The following SYCN variants were observed in gnomAD, a reference collection of about 807,000 sequenced individuals.
The protein encoded by SYCN is syncollin.
Under a neutral mutation model 12.6 loss-of-function variants are expected in SYCN, and 16 were observed. The observed-to-expected ratio is 1.27, with a 90% CI of 0.86 to 1.92. The LOEUF is 1.92. Ranked by LOEUF, SYCN falls within the 30% of genes most tolerant of loss-of-function variation. The pLI, the probability that SYCN is intolerant of heterozygous loss-of-function variation, is 0.00. For missense variants in SYCN, 226 were observed against 181.8 expected (o/e 1.24, Z -1.40); for synonymous variants, 97 against 88.4 (o/e 1.10, Z -0.55).
Position 39,203,088 on chromosome 19 carries a change from G to A in SYCN, c.396-92C>T, listed in dbSNP as rs965470281. 5.0e-6 allele frequency: 7 copies of A among 1,386,418 alleles called. No individual in the cohort carries two copies. In the Admixed American group the frequency reaches 6.0e-5, roughly 12 times the overall value. 85.9% of individuals were successfully genotyped at this position (1,386,418 alleles called of 1,614,324 possible). A position where few individuals can be genotyped will look rare whatever the true frequency, so the allele number is the denominator to read the frequency against. ...CCTGAGACTGGGTGGGGGCTGGGGAGTCTGGGTCTGAGGCTCCAAGTTCAG... is the reference window on the plus strand; with the variant it reads ...CCTGAGACTGGGTGGGGGCTGGGGAATCTGGGTCTGAGGCTCCAAGTTCAG... On this transcript the variant is annotated intron_variant, in intron 1 of 1. Coordinates refer to ENST00000318438, the MANE Select transcript of SYCN (RefSeq NM_001080468.4).
rs61641657 is a variant in SYCN at position 39,203,937 on chromosome 19, G to T, written c.318C>A (p.Gly106=). 13,672 of 1,610,628 alleles carry T rather than the reference G, an allele frequency of 8.5e-3. 982 individuals carry two copies. In the African/African-American group the frequency reaches 0.16, roughly 18 times the overall value. The change falls in exon 1 of 2, where the codon GGC becomes GGA. Residue 106 remains glycine (G), a synonymous_variant. Coordinates refer to ENST00000318438, the MANE Select transcript of SYCN (RefSeq NM_001080468.4). The stretch of plus-strand genomic sequence containing the variant: ...GGTACTCCTCCAGGCGCGGGTAGGT[G>T]CCGGCAGAGAACTTGTGCGTCTTGC... The part of the protein sequence containing the change: ...KAGKTHKFSA[G]TYPRLEEYRR...
chr19:39,203,067 A>T, intron 1 of SYCN, 71 bp from the exon 2 acceptor site: 3 of 1,511,982 alleles, frequency 2.0e-6, no homozygotes, highest in Non-Finnish European at 2.7e-6. Flanking sequence ...TAGAAGCCTG[A>T]GACTGGGTGG....
chr19:39,203,868 G>C lies in SYCN; in HGVS notation c.387C>G (p.Leu129=). 6.3e-7 allele frequency: 1 copy of C among 1,592,466 alleles called. No individual in the cohort carries two copies. Among genetic ancestry groups the C allele is most frequent in the Non-Finnish European group, 8.6e-7 (1 of 1,166,770 alleles). ...TTTGGGCGGCCGGGCACCTGCAGTAGAGCGCGGAGATAGCGTTGGACCAGT... is the reference window on the plus strand; with the variant it reads ...TTTGGGCGGCCGGGCACCTGCAGTACAGCGCGGAGATAGCGTTGGACCAGT... ...LGDWSNAISA[L]YCRCS is the part of the protein sequence containing the mutation. Residue 129 remains leucine (L), a synonymous_variant, in exon 1 of 2, where the codon CTC becomes CTG. Coordinates refer to ENST00000318438, the MANE Select transcript of SYCN (RefSeq NM_001080468.4).
chr19:39,204,243 C>A lies in SYCN; in HGVS notation c.12G>T (p.Leu4=). 1 of 1,569,454 alleles carries A rather than the reference C, an allele frequency of 6.4e-7. No individual in the cohort carries two copies. The highest frequency in any genetic ancestry group is 1.2e-5 in the South Asian group (1 of 85,914). MSP[L]RPLLLALALA... ...GGGCCAGGGCCAGCAGCAGCGGGCGCAGCGGGGACATGGTGGCAGTGCCCT... is the reference window on the plus strand; with the variant it reads ...GGGCCAGGGCCAGCAGCAGCGGGCGAAGCGGGGACATGGTGGCAGTGCCCT... The change falls in exon 1 of 2, where the codon CTG becomes CTT. Residue 4 remains leucine (L), a synonymous_variant. Coordinates refer to ENST00000318438, the MANE Select transcript of SYCN (RefSeq NM_001080468.4).
Position 39,202,968 on chromosome 19 carries a change from A to G in SYCN, c.*19T>C, listed in dbSNP as rs2074794747. 3 of 1,580,908 alleles carry G rather than the reference A, an allele frequency of 1.9e-6. No homozygotes were observed. Among genetic ancestry groups the G allele is most frequent in the African/African-American group, 1.3e-5 (1 of 74,238 alleles). ...GCTTGGCACTCTGTGGAAGCTGCAG[A>G]TGAGAGACCAGCAATGCATCAGCTG... On this transcript the variant is annotated 3_prime_UTR_variant, in exon 2 of 2. Transcript: ENST00000318438.
At position 39,204,140 on chromosome 19, in the gene SYCN, C is replaced by A; in HGVS notation, c.115G>T (p.Ala39Ser). The change falls in exon 1 of 2, where the codon GCC becomes TCC. Residue 39 changes from alanine (A) to serine (S), a missense_variant. Coordinates refer to ENST00000318438, the MANE Select transcript of SYCN (RefSeq NM_001080468.4). The stretch of plus-strand genomic sequence containing the variant: ...GGGTCGCTCTTGTCATAGAGCTTGG[C>A]GCAAGTGCGCGTCCCGTCCGAGTGC... ...LKHSDGTRTCAKLYDKSDPYY... is the reference protein window; with the variant it reads ...LKHSDGTRTCSKLYDKSDPYY... 1 of 1,612,804 alleles carries A rather than the reference C, an allele frequency of 6.2e-7. No individual in the cohort carries two copies. Among genetic ancestry groups the A allele is most frequent in the South Asian group, 1.1e-5 (1 of 91,068 alleles).
chr19:39,204,149 G>T lies in SYCN; in HGVS notation c.106C>A (p.Arg36Ser). The T allele has an allele frequency of 1.9e-6, 3 of 1,612,716 alleles. No homozygotes were observed. The highest frequency in any genetic ancestry group is 2.5e-6 in the Non-Finnish European group (3 of 1,179,702). ...TTGTCATAGAGCTTGGCGCAAGTGC[G>T]CGTCCCGTCCGAGTGCTTGAGGTCG... ...SADLKHSDGT[R>S]TCAKLYDKSD... Residue 36 changes from arginine (R) to serine (S), a missense_variant, in exon 1 of 2, where the codon CGC (arginine) becomes AGC (serine). Transcript: ENST00000318438.
Position 39,202,909 on chromosome 19 carries a change from C to A in SYCN, c.*78G>T. The A allele has an allele frequency of 4.5e-6, 7 of 1,540,462 alleles. No individual in the cohort carries two copies. The highest frequency in any genetic ancestry group is 5.3e-6 in the Non-Finnish European group (6 of 1,142,572). ...GCTCCTCCTCCTGGGTCTTGGGGCC[C>A]CGGAGCAGAGCCCAGGGATGGGCTG... On this transcript the variant is annotated 3_prime_UTR_variant, in exon 2 of 2. Coordinates refer to ENST00000318438, the MANE Select transcript of SYCN (RefSeq NM_001080468.4).
rs561006588 is a variant in SYCN at position 39,202,827 on chromosome 19, C to T, written c.*160G>A. On this transcript the variant is annotated 3_prime_UTR_variant, in exon 2 of 2. Transcript: ENST00000318438. ...ATCCCAGGGACAAGCAGATGACAGA[C>T]GGGGACAACTGCACAAAGGCTGTAT... The T allele has an allele frequency of 1.1e-5, 8 of 721,386 alleles. No individual in the cohort carries two copies. Among genetic ancestry groups the T allele is most frequent in the East Asian group, 2.7e-5 (1 of 36,644 alleles). 44.7% of individuals were successfully genotyped at this position (721,386 alleles called of 1,614,324 possible).
chr19:39,203,076 G>A (rs1045265086), intron 1 of SYCN, 80 bp from the exon 2 acceptor site: 1 of 1,466,558 alleles, frequency 6.8e-7, no homozygotes, highest in Non-Finnish European at 9.3e-7. Flanking sequence ...GAGACTGGGT[G>A]GGGGCTGGGG....
chr19:39,204,086 C>T lies in SYCN; in HGVS notation c.169G>A (p.Glu57Lys), dbSNP rs764772886. The T allele has an allele frequency of 8.7e-6, 14 of 1,612,850 alleles. No homozygotes were observed. Among genetic ancestry groups the T allele is most frequent in the African/African-American group, 1.3e-5 (1 of 74,918 alleles). ...TCTGCGCCCGACTCCAGCGACAGCT[C>T]GGCGCCCCCGCAGCAGTTCTCATAG... ...PYYENCCGGA[E>K]LSLESGADLP... The change falls in exon 1 of 2, where the codon GAG becomes AAG. Residue 57 changes from glutamate (E) to lysine (K), a missense_variant. Coordinates refer to ENST00000318438, the MANE Select transcript of SYCN (RefSeq NM_001080468.4).
intron 1 of SYCN, among the ~76,000 whole-genome samples, chr19:39,203,617 G>A (rs1286703309): frequency 6.6e-6 from 1 of 152,022 alleles, no homozygotes; most frequent in Non-Finnish European, 1.5e-5. Context: ...CCGTCCCAGG[G>A]GCCTGGGCTG....
Position 39,204,216 on chromosome 19 carries a change from A to AAGGGCC in SYCN, c.33_38dup (p.Leu13_Ala14dup), listed in dbSNP as rs762729553. On this transcript the variant is annotated inframe_insertion, in exon 1 of 2. Transcript: ENST00000318438. ...CGCCCTGGGCGCAAGGCACGGAGGC[A>AAGGGCC]AGGGCCAGGGCCAGCAGCAGCGGGC... 4.4e-6 allele frequency: 7 copies of AAGGGCC among 1,605,148 alleles called. No individual in the cohort carries two copies. Among genetic ancestry groups the AAGGGCC allele is most frequent in the Non-Finnish European group, 5.1e-6 (6 of 1,177,862 alleles).
intron 1 of SYCN, among the ~76,000 whole-genome samples, chr19:39,203,591 G>C (rs1341429776): frequency 6.6e-6 from 1 of 152,062 alleles, no homozygotes; most frequent in Non-Finnish European, 1.5e-5. Context: ...GAATCTCAGA[G>C]CTGGGGCGGA....
intron 1 of SYCN, 79 bp from the exon 2 acceptor site, chr19:39,203,075 TG>T: frequency 6.8e-7 from 1 of 1,467,102 alleles, no homozygotes. Context: ...TGAGACTGGG[TG>T]GGGGCTGGGG....
Position 39,204,067 on chromosome 19 carries a change from C to G in SYCN, c.188G>C (p.Gly63Ala). ...CGGAELSLES[G>A]ADLPYLPSNW... is the part of the protein sequence containing the mutation. The stretch of plus-strand genomic sequence containing the variant: ...GGAGGGCAGGTAGGGCAGGTCTGCG[C>G]CCGACTCCAGCGACAGCTCGGCGCC... The change falls in exon 1 of 2, where the codon GGC (glycine) becomes GCC (alanine). Residue 63 changes from glycine to alanine, a missense_variant. Physicochemically the swap from Gly to Ala is moderately conservative, Grantham distance 60. Transcript: ENST00000318438. 1 of 1,612,922 alleles carries G rather than the reference C, an allele frequency of 6.2e-7. No individual in the cohort carries two copies. Among genetic ancestry groups the G allele is most frequent in the Non-Finnish European group, 8.5e-7 (1 of 1,179,522 alleles).
Position 39,203,000 on chromosome 19 carries a change from A to C in SYCN, c.396-4T>G. ...ACCAGCAATGCATCAGCTGCACCTGAAATGTAATCAAGAATTCCTTCCAGG... is the reference window on the plus strand; with the variant it reads ...ACCAGCAATGCATCAGCTGCACCTGCAATGTAATCAAGAATTCCTTCCAGG... On this transcript the variant is annotated splice_region_variant and splice_polypyrimidine_tract_variant and intron_variant, in intron 1 of 1. Transcript: ENST00000318438. The C allele has an allele frequency of 6.4e-7, 1 of 1,573,786 alleles. No individual in the cohort carries two copies. The highest frequency in any genetic ancestry group is 8.6e-7 in the Non-Finnish European group (1 of 1,160,070).
chr19:39,203,871 C>T lies in SYCN; in HGVS notation c.384G>A (p.Ala128=), dbSNP rs772468335. ...GGGCGGCCGGGCACCTGCAGTAGAG[C>T]GCGGAGATAGCGTTGGACCAGTCTC... ...ILGDWSNAIS[A]LYCRCS Residue 128 remains alanine, a synonymous_variant, in exon 1 of 2, where the codon GCG becomes GCA. Transcript: ENST00000318438. 6.3e-7 allele frequency: 1 copy of T among 1,595,162 alleles called. No homozygotes were observed. Among genetic ancestry groups the T allele is most frequent in the Non-Finnish European group, 8.6e-7 (1 of 1,168,632 alleles).
Position 39,203,903 on chromosome 19 carries a change from T to G in SYCN, c.352A>C (p.Ile118Leu). The G allele has an allele frequency of 1.2e-6, 2 of 1,611,592 alleles. No homozygotes were observed. Among genetic ancestry groups the G allele is most frequent in the Non-Finnish European group, 1.7e-6 (2 of 1,178,854 alleles). ...YPRLEEYRRG[I>L]LGDWSNAISA... The stretch of plus-strand genomic sequence containing the variant: ...ATAGCGTTGGACCAGTCTCCTAAGA[T>G]GCCCCGGCGGTACTCCTCCAGGCGC... Residue 118 changes from isoleucine to leucine, a missense_variant, in exon 1 of 2, where the codon ATC becomes CTC. Transcript: ENST00000318438.
Sources: allele counts gnomAD v4.1 joint callset (sites outside exome capture counted in the v4.1 genomes callset), GRCh38; gene constraint gnomAD v4.1.1; transcripts MANE v1.5; gene names NCBI Gene and HGNC (gene_info 2026-07-23, HGNC 2026-07-21).